The following BDKRB2 variants were observed in gnomAD, a reference collection of about 807,000 sequenced individuals.
The protein encoded by BDKRB2 is B2 bradykinin receptor.
BDKRB2 carries 6 observed loss-of-function variants against 4.0 expected under a neutral mutation model. That is an observed-to-expected ratio of 1.49 (90% confidence interval 0.81 to 2.93). The LOEUF is 2.93. BDKRB2 is among the 30% of genes most tolerant of loss of function. The pLI is 0.00. For synonymous variants in BDKRB2, 225 were observed against 215.3 expected (o/e 1.05, Z -0.40); for missense variants, 478 against 520.1 (o/e 0.92, Z 0.79).
intron 1 of BDKRB2, among the ~76,000 whole-genome samples, chr14:96,206,280 G>C (rs1566685940): frequency 6.6e-6 from 1 of 152,118 alleles, no homozygotes; most frequent in Non-Finnish European, 1.5e-5. Flanking sequence ...CATGCGTGCT[G>C]TCCCCACAGG....
In BDKRB2 at chr14:96,241,471, C is replaced by A; in HGVS notation, c.1143C>A (p.His381Gln). 1 of 1,570,412 alleles carries A rather than the reference C, an allele frequency of 6.4e-7. No individual in the cohort carries two copies. Among genetic ancestry groups the A allele is most frequent in the South Asian group, 1.2e-5 (1 of 84,536 alleles). Residue 381 changes from histidine (H) to glutamine (Q), a missense_variant, in exon 3 of 3, where the codon CAC becomes CAA. Physicochemically the swap from His to Gln is conservative, Grantham distance 24. Transcript: ENST00000554311. ...RTSISVERQI[H>Q]KLQDWAGSRQ ...CCATCTCCGTGGAACGCCAGATTCA[C>A]AAACTGCAGGACTGGGCAGGGAGCA... is the stretch of plus-strand genomic sequence containing the variant.
intron 1 of BDKRB2, among the ~76,000 whole-genome samples, chr14:96,213,153 G>A (rs1186606284): frequency 6.6e-6 from 1 of 152,132 alleles, no homozygotes; most frequent in Non-Finnish European, 1.5e-5. Flanking sequence ...AAAGACTACT[G>A]CTGTGCCAAC....
intron 1 of BDKRB2, chr14:96,223,219 A>G (rs936247861): frequency 9.0e-6 from 10 of 1,109,272 alleles, no homozygotes; most frequent in Admixed American, 8.4e-5. Context: ...AACCCATTTG[A>G]TGTCTGAATC....
At chr14:96,215,954 G>T (rs1178988154) in intron 1 of BDKRB2, among the ~76,000 whole-genome samples, 1 of 152,220 alleles carries the variant, frequency 6.6e-6, no homozygotes, top group South Asian at 2.1e-4. Flanking sequence ...CGTTCTCCCT[G>T]TGTCAGCCCC....
chr14:96,225,455 T>C (rs1016645760), intron 1 of BDKRB2, among the ~76,000 whole-genome samples: 4 of 143,764 alleles, frequency 2.8e-5, no homozygotes, highest in African/African-American at 8.0e-5. Context: ...CTTGATATCC[T>C]AATTTTTTTT....
intron 1 of BDKRB2, among the ~76,000 whole-genome samples, chr14:96,227,649 A>C (rs1944204332): frequency 6.6e-6 from 1 of 151,906 alleles, no homozygotes; most frequent in Non-Finnish European, 1.5e-5. Flanking sequence ...ACACCAACAC[A>C]AACACACATG....
At chr14:96,214,281 G>T (rs1025963133) in intron 1 of BDKRB2, among the ~76,000 whole-genome samples, 2 of 152,194 alleles carry the variant, frequency 1.3e-5, no homozygotes, top group Non-Finnish European at 2.9e-5. Flanking sequence ...TGTGGCTGAG[G>T]GGGTGGAGGT....
chr14:96,225,197 A>T (rs1890664973), intron 1 of BDKRB2, among the ~76,000 whole-genome samples: 1 of 152,164 alleles, frequency 6.6e-6, no homozygotes, highest in Admixed American at 6.5e-5. Context: ...TTACGGTTGT[A>T]CAAAGGTCTC....
At chr14:96,220,937 C>A (rs1890545909) in intron 1 of BDKRB2, among the ~76,000 whole-genome samples, 1 of 152,060 alleles carries the variant, frequency 6.6e-6, no homozygotes, top group Admixed American at 6.5e-5. Flanking sequence ...GGGCACACTT[C>A]CCACCACCTG....
chr14:96,240,374 G>A (rs200345788), intron 2 of BDKRB2, 29 bp from the exon 3 acceptor site: 38 of 1,423,418 alleles, frequency 2.7e-5, no homozygotes, highest in Non-Finnish European at 3.4e-5. Context: ...ACCCTGAGGG[G>A]TAACAGCCTC....
intron 1 of BDKRB2, among the ~76,000 whole-genome samples, chr14:96,225,947 C>G (rs769001733): frequency 1.3e-5 from 2 of 152,150 alleles, no homozygotes; most frequent in African/African-American, 4.8e-5. Context: ...CCCAGGACAC[C>G]GGAGACCACC....
intron 2 of BDKRB2, chr14:96,237,686 G>T (rs1890969034): frequency 7.8e-7 from 1 of 1,287,902 alleles, no homozygotes; most frequent in South Asian, 1.2e-5. Flanking sequence ...AGGCTGAGGG[G>T]TCCACTCCAA....
intron 1 of BDKRB2, among the ~76,000 whole-genome samples, chr14:96,229,149 T>G (rs189947988): frequency 2.0e-5 from 3 of 152,236 alleles, no homozygotes; most frequent in East Asian, 3.9e-4. Flanking sequence ...AAACACCTAC[T>G]AGGTGTCAGG....
At chr14:96,223,163 A>G in intron 1 of BDKRB2, 2 of 1,190,758 alleles carry the variant, frequency 1.7e-6, no homozygotes, top group South Asian at 1.2e-5. Flanking sequence ...GAGTTTGAGT[A>G]TCGACATGTC....
At chr14:96,228,324 G>C (rs1890745262) in intron 1 of BDKRB2, among the ~76,000 whole-genome samples, 2 of 152,224 alleles carry the variant, frequency 1.3e-5, no homozygotes, top group Admixed American at 1.3e-4. Context: ...TCAGTGGAGA[G>C]TGAGGGTGAC....
At position 96,234,719 on chromosome 14, in the gene BDKRB2, T is replaced by G. The variant is rs554336720; in HGVS notation, c.-39-2350T>G. On this transcript the variant is annotated intron_variant, in intron 1 of 2. Coordinates refer to ENST00000554311, the MANE Select transcript of BDKRB2 (RefSeq NM_001379692.1). ...AACTTTGTTTTGAAAATGAGAGCAA[T>G]GTTTACAGCCACTAGCAAGCAATTA... Among the ~76,000 whole-genome samples the G allele has an allele frequency of 1.3e-4, 20 of 152,254 alleles. No homozygotes were observed. In the South Asian group the frequency reaches 4.1e-3, roughly 32 times the overall value.
chr14:96,237,822 C>T (rs991408829), intron 2 of BDKRB2: 29 of 1,289,736 alleles, frequency 2.2e-5, no homozygotes, highest in African/African-American at 1.5e-4. Flanking sequence ...TCTGATGATC[C>T]GATGGCTTCT....
intron 1 of BDKRB2, among the ~76,000 whole-genome samples, chr14:96,222,597 G>A (rs561933175): frequency 4.2e-4 from 64 of 152,072 alleles, no homozygotes; most frequent in Non-Finnish European, 8.8e-4. Context: ...AATATATCAC[G>A]ATATCACAGG....
intron 1 of BDKRB2, among the ~76,000 whole-genome samples, chr14:96,216,533 G>A (rs1436001798): frequency 6.6e-6 from 1 of 151,268 alleles, no homozygotes; most frequent in Non-Finnish European, 1.5e-5. Context: ...TGAGGTGGGA[G>A]GATCGCTTGA....
Sources: allele counts gnomAD v4.1 joint callset (sites outside exome capture counted in the v4.1 genomes callset), GRCh38; gene constraint gnomAD v4.1.1; transcripts MANE v1.5; gene names NCBI Gene and HGNC (gene_info 2026-07-23, HGNC 2026-07-21).